The following TENM2 variants were observed in gnomAD, a reference collection of about 807,000 sequenced individuals.
TENM2 encodes the protein teneurin-2.
In TENM2, 52 loss-of-function variants were observed where a neutral mutation model predicts 245.2. That is an observed-to-expected ratio of 0.21 (90% CI 0.17 to 0.27). The LOEUF (loss-of-function observed/expected upper bound fraction) is 0.27, where lower values mean the gene tolerates loss of function less well. TENM2 is among the 10% of genes least tolerant of loss of function. The pLI is 1.00. For missense variants in TENM2, 3,046 were observed against 3,666.8 expected (o/e 0.83, Z 4.37); for synonymous variants, 1,363 against 1,438.9 (o/e 0.95, Z 1.19).
At chr5:168,091,203 T>G (rs1181231629) in intron 8 of TENM2, among the ~76,000 whole-genome samples, 4 of 152,178 alleles carry the variant, frequency 2.6e-5, no homozygotes, top group Non-Finnish European at 2.9e-5. Flanking sequence ...GCTCAGAATT[T>G]TTCTTAAAAA....
chr5:167,102,212 C>A, the TENM2 span, among the ~76,000 whole-genome samples: 1 of 151,522 alleles, frequency 6.6e-6, no homozygotes, highest in African/African-American at 2.4e-5. Context: ...GGCAACAGAG[C>A]AAGACTCTGT....
intron 17 of TENM2, among the ~76,000 whole-genome samples, chr5:168,201,286 G>A (rs1761915970): frequency 6.6e-6 from 1 of 151,672 alleles, no homozygotes; most frequent in Non-Finnish European, 1.5e-5. Context: ...ATTTGTGTGT[G>A]TGTGTATATA....
At chr5:167,859,816 G>A (rs1477464472) in intron 2 of TENM2, among the ~76,000 whole-genome samples, 17 of 62,472 alleles carry the variant, frequency 2.7e-4, no homozygotes, top group East Asian at 5.5e-4. Flanking sequence ...CAGCCGCCCC[G>A]TCTGGGAGGT....
intron 9 of TENM2, among the ~76,000 whole-genome samples, chr5:168,102,301 G>A (rs1554197566): frequency 2.0e-5 from 3 of 152,132 alleles, no homozygotes; most frequent in Non-Finnish European, 2.9e-5. Flanking sequence ...TTGAACTCCC[G>A]ACCTCAGGTG....
chr5:168,108,304 T>C (rs1732111643), intron 9 of TENM2, among the ~76,000 whole-genome samples: 1 of 152,184 alleles, frequency 6.6e-6, no homozygotes, highest in African/African-American at 2.4e-5. Flanking sequence ...AATAGCCAAG[T>C]GATTAAGAAG....
In TENM2 at chr5:167,689,906, G is replaced by A. The variant is rs149121658; in HGVS notation, c.503-186080G>A. ...CTCCTGAGTAGCTGGGATTACAGGCGTGAGCCACCATGCCCAGGCTCTTCA... is the reference window on the plus strand; with the variant it reads ...CTCCTGAGTAGCTGGGATTACAGGCATGAGCCACCATGCCCAGGCTCTTCA... On this transcript the variant is annotated intron_variant, in intron 2 of 28. Coordinates refer to ENST00000518659, the Ensembl canonical transcript of TENM2. Among the ~76,000 whole-genome samples the A allele has an allele frequency of 3.3e-3, 497 of 152,166 alleles. 5 individuals are homozygous for A. Among genetic ancestry groups the A allele is most frequent in the South Asian group, 0.015 (70 of 4,820 alleles).
At chr5:167,047,414 T>G in the TENM2 span, among the ~76,000 whole-genome samples, 5 of 118,636 alleles carry the variant, frequency 4.2e-5, no homozygotes, top group South Asian at 1.2e-3. Flanking sequence ...AATGTGAGAA[T>G]TACAAAGAAA....
At chr5:167,832,004 G>A (rs12519733) in intron 2 of TENM2, among the ~76,000 whole-genome samples, 7,317 of 151,786 alleles carry the variant, frequency 0.048, 787 homozygotes, top group East Asian at 0.35. Context: ...AAAATATTTA[G>A]CATCCCTGAG....
rs558583492 is a variant in TENM2 at position 167,286,301 on chromosome 5, T to C, written c.226+1238T>C. Among the ~76,000 whole-genome samples, 7 of 152,348 alleles carry C rather than the reference T, an allele frequency of 4.6e-5. No homozygotes were observed. The South Asian group carries it at 1.2e-3, about 27-fold the overall frequency. ...CTTCCTTCTTATTTTCTGAGTTATC[T>C]TCATGTAAATGAAACACATGCTGAT... On this transcript the variant is annotated intron_variant, in intron 1 of 28. Coordinates refer to ENST00000518659, the Ensembl canonical transcript of TENM2.
the TENM2 span, among the ~76,000 whole-genome samples, chr5:167,112,685 GC>G: frequency 6.6e-6 from 1 of 152,188 alleles, no homozygotes; most frequent in African/African-American, 2.4e-5. Flanking sequence ...CTGTTTCTTT[GC>G]ATTTTCATTA....
rs570401157 is a variant in TENM2 at position 168,196,903 on chromosome 5, C to A, written c.2900+1608C>A. Among the ~76,000 whole-genome samples the A allele has an allele frequency of 7.9e-5, 12 of 152,252 alleles. No individual in the cohort carries two copies. In the South Asian group the frequency reaches 1.0e-3, roughly 13 times the overall value. ...TCCACTGCTTCCTGAGTAATTATGC[C>A]CCAAGTCCACTTCCCAGATCATCTA... On this transcript the variant is annotated intron_variant, in intron 15 of 28. Coordinates refer to ENST00000518659, the Ensembl canonical transcript of TENM2.
At chr5:168,232,286 TTGC>T (rs1765004986) in intron 25 of TENM2, 1 of 152,088 alleles carries the variant, frequency 6.6e-6, no homozygotes, top group Non-Finnish European at 1.5e-5. Context: ...ACTAGCAGGG[TTGC>T]TGTGTCATGC....
chr5:167,660,299 A>C (rs1755118072), intron 2 of TENM2: 1 of 151,544 alleles, frequency 6.6e-6, no homozygotes, highest in Non-Finnish European at 1.5e-5. Context: ...CGTCTCTACT[A>C]AAAATACAAA....
chr5:167,127,766 A>C, the TENM2 span, among the ~76,000 whole-genome samples: 849 of 152,224 alleles, frequency 5.6e-3, 8 homozygotes, highest in African/African-American at 0.02. Context: ...TAAAATTTTC[A>C]TTTTAGTGCT....
At chr5:167,637,512 C>G (rs772249648) in intron 2 of TENM2, among the ~76,000 whole-genome samples, 4 of 152,202 alleles carry the variant, frequency 2.6e-5, no homozygotes, top group Non-Finnish European at 5.9e-5. Flanking sequence ...TATAAAGACA[C>G]ATGCACACAT....
chr5:168,035,648 A>G (rs183806001), intron 5 of TENM2, among the ~76,000 whole-genome samples: 1 of 152,300 alleles, frequency 6.6e-6, no homozygotes, highest in East Asian at 1.9e-4. Flanking sequence ...ACCTTGGACA[A>G]TTCTTTCTGA....
At chr5:168,223,629 G>A (rs761683543) in intron 23 of TENM2, among the ~76,000 whole-genome samples, 6 of 151,966 alleles carry the variant, frequency 3.9e-5, no homozygotes, top group Non-Finnish European at 8.8e-5. Flanking sequence ...ACTGCGCCCA[G>A]CTAATTTTTG....
intron 2 of TENM2, among the ~76,000 whole-genome samples, chr5:167,611,897 G>A (rs1395543110): frequency 6.6e-6 from 1 of 151,950 alleles, no homozygotes; most frequent in Non-Finnish European, 1.5e-5. Flanking sequence ...TTGGGACTAG[G>A]TTTTAACATA....
chr5:167,063,879 A>G, the TENM2 span, among the ~76,000 whole-genome samples: 1 of 152,216 alleles, frequency 6.6e-6, no homozygotes, highest in Non-Finnish European at 1.5e-5. Flanking sequence ...AGCTTTGGAT[A>G]GTTAGGATTT....
Sources: gnomAD v4.1 joint callset for allele counts (sites outside exome capture counted in the v4.1 genomes callset) on GRCh38, gnomAD v4.1.1 for gene constraint, MANE v1.5 for transcripts, NCBI Gene and HGNC (gene_info 2026-07-23, HGNC 2026-07-21) for gene names.